The following SORCS2 variants were observed in gnomAD, a reference collection of about 807,000 sequenced individuals.
SORCS2 encodes the protein sortilin related VPS10 domain containing receptor 2.
In SORCS2, 100 loss-of-function variants were observed where a neutral mutation model predicts 141.6. The ratio of observed to expected loss-of-function variants is 0.71; its 90% confidence interval spans 0.60 to 0.83. The LOEUF is 0.83. Ranked by LOEUF, SORCS2 falls within the 40% of genes least tolerant of loss-of-function variation. SORCS2 has a pLI of 0.00. For synonymous variants in SORCS2, 789 were observed against 676.9 expected (o/e 1.17, Z -2.57); for missense variants, 1,646 against 1,560.2 (o/e 1.05, Z -0.93).
At chr4:7,217,409 C>T (rs1385863425) in intron 1 of SORCS2, among the ~76,000 whole-genome samples, 1 of 152,204 alleles carries the variant, frequency 6.6e-6, no homozygotes, top group Admixed American at 6.5e-5. Flanking sequence ...GCACATGTAA[C>T]CAACTCGCCT....
In SORCS2 at chr4:7,304,850, G is replaced by A. The variant is rs77162542; in HGVS notation, c.481-91438G>A. Among the ~76,000 whole-genome samples the A allele has an allele frequency of 4.9e-3, 750 of 152,306 alleles. 6 individuals are homozygous for A. The highest frequency in any genetic ancestry group is 0.017 in the African/African-American group (707 of 41,558). Reference sequence around the variant, plus strand: ...TGCTCCCTCTTCTCCTTCCTAAGAAGAAACTCACAGTGAAGTCAGAGCATT... The same window carrying A: ...TGCTCCCTCTTCTCCTTCCTAAGAAAAAACTCACAGTGAAGTCAGAGCATT... On this transcript the variant is annotated intron_variant, in intron 1 of 26. Transcript: ENST00000507866.
chr4:7,216,853 G>C (rs13119783), intron 1 of SORCS2, among the ~76,000 whole-genome samples: 41,691 of 151,902 alleles, frequency 0.27, 6,330 homozygotes, highest in East Asian at 0.45. Context: ...CCCTGCCCTC[G>C]AGCCGCAAAG....
intron 3 of SORCS2, among the ~76,000 whole-genome samples, chr4:7,579,287 C>T (rs1376197234): frequency 6.6e-6 from 1 of 152,090 alleles, no homozygotes; most frequent in African/African-American, 2.4e-5. Context: ...AATTCTATTT[C>T]ATAATAACCA....
At chr4:7,399,180 C>T (rs13150726) in intron 2 of SORCS2, among the ~76,000 whole-genome samples, 22,528 of 152,024 alleles carry the variant, frequency 0.15, 1,818 homozygotes, top group Non-Finnish European at 0.18. Context: ...GGACTCACGC[C>T]GGAAGATGGT....
intron 3 of SORCS2, among the ~76,000 whole-genome samples, chr4:7,561,782 T>C (rs1308306958): frequency 6.6e-6 from 1 of 151,926 alleles, no homozygotes; most frequent in African/African-American, 2.4e-5. Context: ...TGTCCATCTG[T>C]CCATTTGCCC....
chr4:7,366,276 C>T (rs916645472), intron 1 of SORCS2, among the ~76,000 whole-genome samples: 1 of 151,892 alleles, frequency 6.6e-6, no homozygotes, highest in Admixed American at 6.6e-5. Flanking sequence ...CTGCCCCTGC[C>T]CTCTTTTTTA....
At chr4:7,260,968 T>C (rs75238924) in intron 1 of SORCS2, among the ~76,000 whole-genome samples, 2,522 of 152,306 alleles carry the variant, frequency 0.017, 40 homozygotes, top group African/African-American at 0.039. Context: ...ACTTAGTTGA[T>C]CACGGATCCC....
In SORCS2 at chr4:7,192,623, G is replaced by C; in HGVS notation, c.-24G>C. 1.0e-6 allele frequency: 1 copy of C among 987,424 alleles called. No homozygotes were observed. Among genetic ancestry groups the C allele is most frequent in the Non-Finnish European group, 1.2e-6 (1 of 832,148 alleles). 61.2% of individuals were successfully genotyped at this position (987,424 alleles called of 1,614,324 possible). On this transcript the variant is annotated 5_prime_UTR_variant, in exon 1 of 27. Transcript: ENST00000507866. The surrounding 1 kb of genome is among the most constrained non-coding windows in gnomAD (Gnocchi z 4.0). ...CCTCGTCCGCGCCGCCCCGCCGCCG[G>C]CTCCGCTGCCGCCCCTGGCGACCAT...
At chr4:7,211,499 G>C (rs1728059928) in intron 1 of SORCS2, among the ~76,000 whole-genome samples, 1 of 152,060 alleles carries the variant, frequency 6.6e-6, no homozygotes, top group African/African-American at 2.4e-5. Context: ...TCAGCCTCCT[G>C]GTAGCTGGGA....
At chr4:7,708,693 C>T (rs1300161090) in intron 14 of SORCS2, among the ~76,000 whole-genome samples, 1 of 152,222 alleles carries the variant, frequency 6.6e-6, no homozygotes, top group East Asian at 1.9e-4. Flanking sequence ...TAGTGAGCGC[C>T]CCACTGCATA....
At chr4:7,280,086 A>C (rs367704776) in intron 1 of SORCS2, among the ~76,000 whole-genome samples, 3 of 152,252 alleles carry the variant, frequency 2.0e-5, no homozygotes, top group East Asian at 3.9e-4. Flanking sequence ...ATCAGTCTGG[A>C]ATTCAGGCCT....
At chr4:7,389,007 A>C (rs10030747) in intron 1 of SORCS2, among the ~76,000 whole-genome samples, 44,429 of 152,032 alleles carry the variant, frequency 0.29, 6,756 homozygotes, top group East Asian at 0.54. Flanking sequence ...CCAGGCCAAA[A>C]GGCACATGGG....
At chr4:7,687,203 A>G (rs974826877) in intron 10 of SORCS2, among the ~76,000 whole-genome samples, 53 of 152,176 alleles carry the variant, frequency 3.5e-4, no homozygotes, top group African/African-American at 1.2e-3. Flanking sequence ...TGCCGGGCAC[A>G]CTGCTGCTGG....
At chr4:7,601,171 A>G (rs568127585) in intron 3 of SORCS2, among the ~76,000 whole-genome samples, 128 of 152,314 alleles carry the variant, frequency 8.4e-4, no homozygotes, top group African/African-American at 3.0e-3. Flanking sequence ...TTTGGAGTGA[A>G]TAAGTATCTT....
In SORCS2 at chr4:7,729,659, G is replaced by A. The variant is rs371407070; in HGVS notation, c.3055G>A (p.Val1019Met). ...PGLPTLADLY[V>M]LLPPPRPTRK... ...GCTGCCCACTTTGGCCGATCTGTAC[G>A]TGCTCCTGCCCCCTCCCAGGCCCAC... Residue 1019 changes from valine to methionine, a missense_variant, in exon 23 of 27, where the codon GTG becomes ATG. Physicochemically the swap from Val to Met is conservative, Grantham distance 21. Transcript: ENST00000507866. The A allele has an allele frequency of 1.4e-4, 224 of 1,606,892 alleles. No homozygotes were observed. Among genetic ancestry groups the A allele is most frequent in the Non-Finnish European group, 1.8e-4 (206 of 1,177,016 alleles).
At chr4:7,469,371 G>A (rs939678421) in intron 2 of SORCS2, among the ~76,000 whole-genome samples, 27 of 152,282 alleles carry the variant, frequency 1.8e-4, no homozygotes, top group African/African-American at 5.8e-4. Flanking sequence ...CTTTCTCCCC[G>A]AAATTCAGTG....
At chr4:7,357,311 GACAT>G (rs1721317431) in intron 1 of SORCS2, among the ~76,000 whole-genome samples, 1 of 152,160 alleles carries the variant, frequency 6.6e-6, no homozygotes, top group African/African-American at 2.4e-5. Flanking sequence ...TGACCAGATC[GACAT>G]GACCAGTGGT....
At chr4:7,641,664 A>G (rs551587270) in intron 4 of SORCS2, among the ~76,000 whole-genome samples, 41 of 152,338 alleles carry the variant, frequency 2.7e-4, no homozygotes, top group African/African-American at 8.9e-4. Flanking sequence ...TGCCCGGCTG[A>G]AAATATTAGT....
At chr4:7,473,945 G>A (rs1387461454) in intron 2 of SORCS2, among the ~76,000 whole-genome samples, 2 of 152,214 alleles carry the variant, frequency 1.3e-5, no homozygotes, top group East Asian at 3.9e-4. Context: ...GCTCATTGGT[G>A]ATGTCGTTAC....
Sources: gnomAD v4.1 joint callset for allele counts (sites outside exome capture counted in the v4.1 genomes callset) on GRCh38, gnomAD v4.1.1 for gene constraint, Gnocchi (gnomAD v3.1) non-coding constraint, MANE v1.5 for transcripts, NCBI Gene and HGNC (gene_info 2026-07-23, HGNC 2026-07-21) for gene names.